GREB1L: variants seen among roughly 807,000 people sequenced by gnomAD.
GREB1L encodes GREB1 like retinoic acid receptor coactivator, also known as GREB1-like protein.
A neutral mutation model predicts 200.8 loss-of-function variants in GREB1L; 17 were observed. The observed-to-expected ratio is 0.08, with a 90% confidence interval of 0.06 to 0.13. The LOEUF (loss-of-function observed/expected upper bound fraction) is 0.13, where lower values mean the gene tolerates loss of function less well. GREB1L is among the 10% of genes least tolerant of loss of function. The probability of loss-of-function intolerance (pLI) is 1.00; values close to 1 mark genes in which losing one functional copy is unlikely to be tolerated. For missense variants in GREB1L, 1,657 were observed against 2,367.7 expected (o/e 0.70, Z 6.23); for synonymous variants, 789 against 893.0 (o/e 0.88, Z 2.08).
At chr18:21,362,830 C>T (rs1337269742) in intron 1 of GREB1L, among the ~76,000 whole-genome samples, 1 of 152,164 alleles carries the variant, frequency 6.6e-6, no homozygotes, top group African/African-American at 2.4e-5. Context: ...CAACGAAAGT[C>T]CTAGAACCTA....
intron 13 of GREB1L, among the ~76,000 whole-genome samples, 174 bp from the exon 14 acceptor site, chr18:21,451,909 C>A (rs922573088): frequency 6.6e-6 from 1 of 152,114 alleles, no homozygotes; most frequent in East Asian, 1.9e-4. Flanking sequence ...GAGAGTAGTT[C>A]TTGATATAGA....
At chr18:21,306,569 G>A (rs2038704014) in intron 1 of GREB1L, among the ~76,000 whole-genome samples, 1 of 152,166 alleles carries the variant, frequency 6.6e-6, no homozygotes, top group Non-Finnish European at 1.5e-5. Flanking sequence ...CTGAAATCGT[G>A]GTAAGTACTC....
At chr18:21,345,022 T>G (rs1234297863) in intron 1 of GREB1L, among the ~76,000 whole-genome samples, 1 of 152,198 alleles carries the variant, frequency 6.6e-6, no homozygotes, top group African/African-American at 2.4e-5. Flanking sequence ...TGTACCCACC[T>G]GCCCCTTTCT....
At chr18:21,508,314 C>T (rs549146952) in intron 26 of GREB1L, 35 bp downstream of exon 26, 1 of 1,551,118 alleles carries the variant, frequency 6.4e-7, no homozygotes, top group Non-Finnish European at 8.7e-7. Context: ...AGGCACCAGA[C>T]CTAGTTCTTT....
At chr18:21,358,425 C>A (rs952122323) in intron 1 of GREB1L, among the ~76,000 whole-genome samples, 1 of 152,208 alleles carries the variant, frequency 6.6e-6, no homozygotes, top group African/African-American at 2.4e-5. Flanking sequence ...AAGCGATTCT[C>A]CTGCCTCAGC....
chr18:21,312,572 T>C (rs937719245), intron 1 of GREB1L, among the ~76,000 whole-genome samples: 1 of 151,880 alleles, frequency 6.6e-6, no homozygotes, highest in African/African-American at 2.4e-5. Context: ...ATTTATTTTT[T>C]GAGACAAAGT....
chr18:21,506,021 G>A, intron 25 of GREB1L, 72 bp downstream of exon 25: 2 of 1,430,086 alleles, frequency 1.4e-6, no homozygotes, highest in East Asian at 2.5e-5. Flanking sequence ...GGGGGTGGAG[G>A]GATGAAAAAT....
At chr18:21,371,916 A>T (rs73960403) in intron 2 of GREB1L, among the ~76,000 whole-genome samples, 1,803 of 152,280 alleles carry the variant, frequency 0.012, 39 homozygotes, top group African/African-American at 0.041. Context: ...TATGAAATTG[A>T]AAGTACTGTC....
At chr18:21,271,089 G>A (rs1271020181) in intron 1 of GREB1L, among the ~76,000 whole-genome samples, 1 of 152,156 alleles carries the variant, frequency 6.6e-6, no homozygotes, top group East Asian at 1.9e-4. Context: ...CATTAAGAAA[G>A]TATGAGAGAC....
chr18:21,424,524 G>A (rs2032408205), intron 7 of GREB1L, among the ~76,000 whole-genome samples: 1 of 151,888 alleles, frequency 6.6e-6, no homozygotes, highest in Admixed American at 6.6e-5. Flanking sequence ...AGCCAAGATT[G>A]TGCCACTGCA....
Position 21,525,769 on chromosome 18 carries a change from A to T in GREB1L, c.*2948A>T, listed in dbSNP as rs1046606592. Among the ~76,000 whole-genome samples the T allele has an allele frequency of 6.6e-6, 1 of 152,222 alleles. No individual in the cohort carries two copies. Among genetic ancestry groups the T allele is most frequent in the Non-Finnish European group, 1.5e-5 (1 of 68,030 alleles). Reference sequence around the variant, plus strand: ...ATGCTGTTATTGTAGTATGAATTATATCTTCTTAAAAAATTTTACCAACTT... The same window carrying T: ...ATGCTGTTATTGTAGTATGAATTATTTCTTCTTAAAAAATTTTACCAACTT... On this transcript the variant is annotated 3_prime_UTR_variant, in exon 33 of 33. Transcript: ENST00000424526.
Position 21,419,489 on chromosome 18 carries a change from A to G in GREB1L, c.832+15495A>G, listed in dbSNP as rs1462997289. ...TTTTTTTGAGACAGAGTCTCAGTCT[A>G]TCACCCAGGCTGGAGTGCTATGGTG... On this transcript the variant is annotated intron_variant, in intron 7 of 32. Transcript: ENST00000424526. Among the ~76,000 whole-genome samples, 8 of 152,218 alleles carry G rather than the reference A, an allele frequency of 5.3e-5. No individual in the cohort carries two copies. The South Asian group carries it at 6.2e-4, about 12-fold the overall frequency.
chr18:21,278,590 G>T lies in GREB1L; in HGVS notation c.-120+36197G>T, dbSNP rs143550696. On this transcript the variant is annotated intron_variant, in intron 1 of 32. Transcript: ENST00000424526. ...AGTGTTCTGGGTGTAAAATGTTCTG[G>T]TATCAACTGTTTCTCAGTACTTTGA... Among the ~76,000 whole-genome samples, 1,352 of 151,874 alleles carry T rather than the reference G, an allele frequency of 8.9e-3. 9 individuals carry two copies. The highest frequency in any genetic ancestry group is 0.051 in the Middle Eastern group (15 of 294).
chr18:21,264,281 A>G (rs1361463667), intron 1 of GREB1L, among the ~76,000 whole-genome samples: 2 of 151,994 alleles, frequency 1.3e-5, no homozygotes, highest in African/African-American at 2.4e-5. Flanking sequence ...AGAAAAAAAA[A>G]AAACGATGAC....
intron 1 of GREB1L, among the ~76,000 whole-genome samples, chr18:21,350,690 G>T (rs1271706702): frequency 6.6e-6 from 1 of 152,168 alleles, no homozygotes; most frequent in Admixed American, 6.6e-5. Flanking sequence ...CATGGGCAAT[G>T]ATGTAGATGG....
At chr18:21,353,204 A>C (rs2039459831) in intron 1 of GREB1L, among the ~76,000 whole-genome samples, 2 of 152,028 alleles carry the variant, frequency 1.3e-5, no homozygotes, top group South Asian at 4.2e-4. Context: ...AGAAGAAAGA[A>C]ATGGGACCAT....
At chr18:21,320,683 A>C (rs1054763330) in intron 1 of GREB1L, among the ~76,000 whole-genome samples, 5 of 151,680 alleles carry the variant, frequency 3.3e-5, no homozygotes, top group South Asian at 2.1e-4. Context: ...GGAGAATGGC[A>C]TGAACCCGGG....
intron 1 of GREB1L, among the ~76,000 whole-genome samples, chr18:21,324,094 T>G (rs778547464): frequency 2.6e-5 from 4 of 152,184 alleles, no homozygotes; most frequent in Non-Finnish European, 4.4e-5. Flanking sequence ...AGATACTGTT[T>G]CCAGTCACTG....
At position 21,428,621 on chromosome 18, in the gene GREB1L, A is replaced by T. The variant is rs372051305; in HGVS notation, c.833-10900A>T. Among the ~76,000 whole-genome samples the T allele has an allele frequency of 2.5e-4, 35 of 140,552 alleles. No homozygotes were observed. The South Asian group carries it at 5.4e-3, about 22-fold the overall frequency. The allele number at this position is 140,552 out of a possible 152,430, so 92.2% of individuals were successfully genotyped here. Reference sequence around the variant, plus strand: ...TTTCAGCTATAAATCTCACTTAGCCATAGCATATAGTCCCTTTTTTTTTTT... The same window carrying T: ...TTTCAGCTATAAATCTCACTTAGCCTTAGCATATAGTCCCTTTTTTTTTTT... On this transcript the variant is annotated intron_variant, in intron 7 of 32. Coordinates refer to ENST00000424526, the MANE Select transcript of GREB1L (RefSeq NM_001142966.3).
Sources: gnomAD v4.1 joint callset for allele counts (sites outside exome capture counted in the v4.1 genomes callset) on GRCh38, gnomAD v4.1.1 for gene constraint, MANE v1.5 for transcripts, NCBI Gene and HGNC (gene_info 2026-07-23, HGNC 2026-07-21) for gene names.